VWA8: variants seen among roughly 807,000 people sequenced by gnomAD.
The protein encoded by VWA8 is von Willebrand factor A domain-containing protein 8.
VWA8 carries 221 observed loss-of-function variants against 241.5 expected under a neutral mutation model. That is an observed-to-expected ratio of 0.91 (90% confidence interval 0.82 to 1.02). The LOEUF (loss-of-function observed/expected upper bound fraction) is 1.02. Among genes scored for constraint, VWA8 ranks in the 50% least tolerant of loss-of-function variants. The pLI is 0.00. For missense variants in VWA8, 2,322 were observed against 2,328.7 expected (o/e 1.00, Z 0.06); for synonymous variants, 852 against 827.1 (o/e 1.03, Z -0.52).
At chr13:41,599,945 T>C (rs1405987169) in intron 40 of VWA8, among the ~76,000 whole-genome samples, 1 of 152,090 alleles carries the variant, frequency 6.6e-6, no homozygotes, top group Non-Finnish European at 1.5e-5. Flanking sequence ...GCTGCTGCTT[T>C]CAAACGCTTT....
chr13:41,742,345 T>C (rs990992879), intron 21 of VWA8, among the ~76,000 whole-genome samples: 1 of 152,142 alleles, frequency 6.6e-6, no homozygotes, highest in Non-Finnish European at 1.5e-5. Context: ...ATGCTGGAAG[T>C]AGGAAGTTCA....
intron 17 of VWA8, among the ~76,000 whole-genome samples, chr13:41,789,180 G>A (rs1022551145): frequency 6.6e-6 from 1 of 152,172 alleles, no homozygotes; most frequent in Non-Finnish European, 1.5e-5. Context: ...ATCAGGCGGT[G>A]TAAGGCCAAT....
At chr13:41,887,894 C>T (rs1274916682) in intron 5 of VWA8, among the ~76,000 whole-genome samples, 1 of 152,220 alleles carries the variant, frequency 6.6e-6, no homozygotes, top group Non-Finnish European at 1.5e-5. Flanking sequence ...TAGACTATCT[C>T]CTTTTTATAT....
intron 21 of VWA8, among the ~76,000 whole-genome samples, chr13:41,736,556 C>T (rs1326139219): frequency 1.3e-5 from 2 of 151,896 alleles, no homozygotes; most frequent in African/African-American, 2.4e-5. Flanking sequence ...CTCAAAATAG[C>T]GATGTTTACT....
chr13:41,828,259 A>G (rs545088464), intron 14 of VWA8, among the ~76,000 whole-genome samples: 1 of 152,324 alleles, frequency 6.6e-6, no homozygotes, highest in African/African-American at 2.4e-5. Context: ...TTCTTAAAAT[A>G]TAAACAATAA....
intron 21 of VWA8, among the ~76,000 whole-genome samples, chr13:41,739,847 T>TGA (rs1566436419): frequency 3.6e-4 from 24 of 66,708 alleles, no homozygotes; most frequent in South Asian, 5.4e-4. Flanking sequence ...TTGTTTTTTT[T>TGA]GTTTTTTTTG....
intron 21 of VWA8, among the ~76,000 whole-genome samples, chr13:41,738,877 G>GATGC (rs2045545578): frequency 6.6e-6 from 1 of 152,144 alleles, no homozygotes; most frequent in Non-Finnish European, 1.5e-5. Context: ...TGCACACACA[G>GATGC]ATGCAACCAG....
At chr13:41,817,908 T>C (rs1870767907) in intron 15 of VWA8, among the ~76,000 whole-genome samples, 1 of 152,168 alleles carries the variant, frequency 6.6e-6, no homozygotes, top group Non-Finnish European at 1.5e-5. Flanking sequence ...CTGTTTAATG[T>C]GGTAGCCAAA....
chr13:41,603,842 T>A (rs2044537261), intron 40 of VWA8, among the ~76,000 whole-genome samples: 1 of 152,162 alleles, frequency 6.6e-6, no homozygotes, highest in African/African-American at 2.4e-5. Context: ...TTCCTTAGCA[T>A]CTTTCAAGAG....
chr13:41,618,980 C>G (rs2044639633), intron 37 of VWA8, among the ~76,000 whole-genome samples: 1 of 152,102 alleles, frequency 6.6e-6, no homozygotes. Flanking sequence ...TCCATATGAA[C>G]TTTAAAGTAG....
At chr13:41,789,840 T>C (rs187727601) in intron 17 of VWA8, among the ~76,000 whole-genome samples, 6 of 152,334 alleles carry the variant, frequency 3.9e-5, no homozygotes, top group Admixed American at 2.0e-4. Context: ...TGATTTTAAA[T>C]CTTAAATTTC....
intron 12 of VWA8, among the ~76,000 whole-genome samples, chr13:41,836,409 T>G (rs2138008906): frequency 6.6e-6 from 1 of 152,194 alleles, no homozygotes; most frequent in South Asian, 2.1e-4. Context: ...CCAATTAAGG[T>G]TAGGAGTCTT....
chr13:41,877,096 C>A (rs1262484258), intron 9 of VWA8, among the ~76,000 whole-genome samples: 2 of 151,982 alleles, frequency 1.3e-5, no homozygotes, highest in Non-Finnish European at 2.9e-5. Context: ...ACCAGAAAAA[C>A]CTCAAATTCA....
rs1263584319 is a variant in VWA8, at chr13:41,605,504, T to C, written c.4878-228A>G. Among the ~76,000 whole-genome samples, 3 of 152,108 alleles carry C rather than the reference T, an allele frequency of 2.0e-5. No individual in the cohort carries two copies. The South Asian group carries it at 6.2e-4, about 32-fold the overall frequency. ...ACAAACTAGGACAAGAAAAAAGTCC[T>C]AGATTTGTAGTGTTTGCTGATTTCC... On this transcript the variant is annotated intron_variant, in intron 39 of 44. Coordinates refer to ENST00000379310, the MANE Select transcript of VWA8 (RefSeq NM_015058.2).
chr13:41,931,153 G>GGA (rs1277299288), intron 2 of VWA8, among the ~76,000 whole-genome samples: 1 of 78,752 alleles, frequency 1.3e-5, no homozygotes, highest in African/African-American at 4.7e-5. Context: ...CGTCTCAGGG[G>GGA]AAAAAAAAAA....
intron 35 of VWA8, among the ~76,000 whole-genome samples, chr13:41,677,371 T>C (rs567970711): frequency 2.6e-5 from 4 of 152,340 alleles, no homozygotes; most frequent in African/African-American, 9.6e-5. Context: ...GCTGCCACCA[T>C]GGTGTGTCAG....
At chr13:41,783,194 T>C (rs1868969591) in intron 19 of VWA8, among the ~76,000 whole-genome samples, 1 of 148,472 alleles carries the variant, frequency 6.7e-6, no homozygotes, top group Non-Finnish European at 1.5e-5. Context: ...ATTTTATATA[T>C]ATGTACTTAT....
At chr13:41,912,239 G>C (rs1403840567) in intron 2 of VWA8, 71 bp from the exon 3 acceptor site, 1 of 1,250,246 alleles carries the variant, frequency 8.0e-7, no homozygotes, top group African/African-American at 1.5e-5. Flanking sequence ...CAAGTAATGT[G>C]GACATATTTA....
At chr13:41,907,763 G>C in intron 3 of VWA8, 67 bp from the exon 4 acceptor site, 1 of 1,390,376 alleles carries the variant, frequency 7.2e-7, no homozygotes, top group South Asian at 1.2e-5. Context: ...TTTGGAACTA[G>C]TTATCTGACA....
Sources: gnomAD v4.1 joint callset for allele counts (sites outside exome capture counted in the v4.1 genomes callset) on GRCh38, gnomAD v4.1.1 for gene constraint, MANE v1.5 for transcripts, NCBI Gene and HGNC (gene_info 2026-07-23, HGNC 2026-07-21) for gene names.